The following TOM1L1 variants were observed in gnomAD, a reference collection of about 807,000 sequenced individuals.
The protein encoded by TOM1L1 is TOM1-like protein 1.
TOM1L1 carries 64 observed loss-of-function variants against 63.4 expected under a neutral mutation model. That is an observed-to-expected ratio of 1.01 (90% CI 0.83 to 1.24). The LOEUF is 1.24. Among genes scored for constraint, TOM1L1 ranks in the 50% most tolerant of loss-of-function variants. The pLI is 0.00. For synonymous variants in TOM1L1, 166 were observed against 194.4 expected (o/e 0.85, Z 1.22); for missense variants, 536 against 567.0 (o/e 0.95, Z 0.55).
At chr17:54,958,528 T>G (rs1262730521) in intron 14 of TOM1L1, 1 of 152,178 alleles carries the variant, frequency 6.6e-6, no homozygotes, top group Non-Finnish European at 1.5e-5. Flanking sequence ...GTCAGGAGTT[T>G]GAGACCAGCC....
At chr17:54,940,253 T>A (rs2049014645) in intron 11 of TOM1L1, among the ~76,000 whole-genome samples, 2 of 152,192 alleles carry the variant, frequency 1.3e-5, no homozygotes, top group South Asian at 4.1e-4. Context: ...TATAAACATA[T>A]GCAATGATGT....
chr17:54,936,661 C>T lies in TOM1L1; in HGVS notation c.867C>T (p.Asn289=). Residue 289 remains asparagine (N), a synonymous_variant, in exon 9 of 16, where the codon AAC becomes AAT. Coordinates refer to ENST00000575882, the MANE Select transcript of TOM1L1 (RefSeq NM_005486.3). ...AILGYERFTR[N]QQRILEQNKN... is the part of the protein sequence containing the mutation. ...ATCATTTAAACAGGTTTACTAGAAA[C>T]CAACAAAGGATTTTGGAGCAAAATA... 1 of 1,604,004 alleles carries T rather than the reference C, an allele frequency of 6.2e-7. No homozygotes were observed. Among genetic ancestry groups the T allele is most frequent in the Non-Finnish European group, 8.5e-7 (1 of 1,176,920 alleles).
chr17:54,958,557 C>T (rs542289780), intron 14 of TOM1L1: 1 of 152,184 alleles, frequency 6.6e-6, no homozygotes, highest in Admixed American at 6.6e-5. Context: ...ATGGCAAAAC[C>T]CTGTCTCTAC....
intron 3 of TOM1L1, chr17:54,906,698 G>A: frequency 1.1e-6 from 1 of 902,508 alleles, no homozygotes; most frequent in African/African-American, 1.8e-5. Flanking sequence ...CCTGTGTGTT[G>A]TATTGTCTGT....
intron 14 of TOM1L1, chr17:54,952,116 G>C (rs1317047400): frequency 6.6e-6 from 1 of 152,160 alleles, no homozygotes; most frequent in Non-Finnish European, 1.5e-5. Context: ...TTCTAATCTG[G>C]AAGATACAAA....
At chr17:54,932,084 G>C (rs901661129) in intron 8 of TOM1L1, among the ~76,000 whole-genome samples, 11 of 151,956 alleles carry the variant, frequency 7.2e-5, no homozygotes, top group African/African-American at 2.4e-4. Flanking sequence ...CCTGTAGCAG[G>C]ACGAGCCGCA....
chr17:54,938,773 C>T (rs2048991164), intron 10 of TOM1L1, 151 bp from the exon 11 acceptor site: 2 of 506,178 alleles, frequency 4.0e-6, no homozygotes, highest in Non-Finnish European at 6.9e-6. Context: ...TTTAGGGTGA[C>T]AGAAATATCT....
chr17:54,909,398 C>T (rs182734298), intron 3 of TOM1L1, among the ~76,000 whole-genome samples: 101 of 152,282 alleles, frequency 6.6e-4, no homozygotes, highest in African/African-American at 2.1e-3. Context: ...GCACTATTCA[C>T]GGCCCAGGTG....
intron 1 of TOM1L1, among the ~76,000 whole-genome samples, chr17:54,901,511 G>T (rs2048326834): frequency 6.6e-6 from 1 of 152,094 alleles, no homozygotes; most frequent in African/African-American, 2.4e-5. Flanking sequence ...TCTCTCGCAG[G>T]CCACTAGGGA....
At chr17:54,915,344 C>A (rs1381636559) in intron 6 of TOM1L1, among the ~76,000 whole-genome samples, 1 of 152,050 alleles carries the variant, frequency 6.6e-6, no homozygotes, top group Non-Finnish European at 1.5e-5. Flanking sequence ...ACCATGAGAA[C>A]TGGATAACCC....
intron 15 of TOM1L1, 111 bp downstream of exon 15, chr17:54,960,738 CTT>C: frequency 2.6e-6 from 2 of 773,390 alleles, no homozygotes; most frequent in Non-Finnish European, 4.4e-6. Context: ...GAGTCTGACA[CTT>C]TGAAATATGA....
Position 54,910,877 on chromosome 17 carries a change from T to C in TOM1L1, c.223-1789T>C, listed in dbSNP as rs568492141. On this transcript the variant is annotated intron_variant, in intron 3 of 15. Transcript: ENST00000575882. ...TTAAACGCTATATGCTGCCGCTTTATGTATTGCCATTAAAGAGAGACTAAA... is the reference window on the plus strand; with the variant it reads ...TTAAACGCTATATGCTGCCGCTTTACGTATTGCCATTAAAGAGAGACTAAA... Among the ~76,000 whole-genome samples, 3 of 152,324 alleles carry C rather than the reference T, an allele frequency of 2.0e-5. No homozygotes were observed. In the East Asian group the frequency reaches 5.8e-4, roughly 29 times the overall value.
chr17:54,923,200 A>G (rs1266372070), intron 7 of TOM1L1, among the ~76,000 whole-genome samples: 1 of 152,198 alleles, frequency 6.6e-6, no homozygotes. Context: ...GAACATTCAC[A>G]TACAGGTTTT....
rs1203671042 is a variant in TOM1L1, at chr17:54,947,306, T to A, written c.1176T>A (p.Tyr392Ter). 5.0e-6 allele frequency: 8 copies of A among 1,614,014 alleles called. No homozygotes were observed. The Admixed American group carries it at 1.2e-4, about 24-fold the overall frequency. The part of the protein sequence containing the change: ...TSQNLTSSHA[Y>*]DNFLEHSNSV... Reference sequence around the variant, plus strand: ...AAAACCTCACCTCAAGCCACGCATATGATAATGTAAGTAACAAAACTCTTT... The same window carrying A: ...AAAACCTCACCTCAAGCCACGCATAAGATAATGTAAGTAACAAAACTCTTT... Residue 392 changes from tyrosine (Y) to a stop codon, truncating the protein, a stop_gained, in exon 12 of 16, where the codon TAT becomes TAA. Coordinates refer to ENST00000575882, the MANE Select transcript of TOM1L1 (RefSeq NM_005486.3). LOFTEE classifies it high-confidence loss of function.
chr17:54,940,816 G>A (rs2143914747), intron 11 of TOM1L1, among the ~76,000 whole-genome samples: 1 of 152,264 alleles, frequency 6.6e-6, no homozygotes, highest in East Asian at 1.9e-4. Context: ...GAAAAAGAGT[G>A]AAAGAGTGGT....
At chr17:54,947,573 C>G (rs562330575) in intron 12 of TOM1L1, among the ~76,000 whole-genome samples, 1 of 152,190 alleles carries the variant, frequency 6.6e-6, no homozygotes, top group African/African-American at 2.4e-5. Context: ...CTGGTGACTT[C>G]TGTATTGTGA....
At chr17:54,949,935 T>C (rs1002980556) in intron 13 of TOM1L1, 110 bp from the exon 14 acceptor site, 1 of 860,020 alleles carries the variant, frequency 1.2e-6, no homozygotes, top group Non-Finnish European at 1.8e-6. Flanking sequence ...TCTGTTTTGG[T>C]TGTGTTTATT....
chr17:54,938,493 C>CAA lies in TOM1L1; in HGVS notation c.1034-410_1034-409dup, dbSNP rs34581628. ...TGGGTGACAAAGTGAGACTCCATCT[C>CAA]AAAAAAAAAAAAAAAAAAAAAAGAT... On this transcript the variant is annotated intron_variant, in intron 10 of 15. Transcript: ENST00000575882. The CAA allele has an allele frequency of 7.1e-3, 498 of 70,626 alleles. 6 individuals carry two copies. Among genetic ancestry groups the CAA allele is most frequent in the East Asian group, 0.018 (41 of 2,304 alleles). 4.4% of individuals were successfully genotyped at this position (70,626 alleles called of 1,614,324 possible). A position where few individuals can be genotyped will look rare whatever the true frequency, so the allele number is the denominator to read the frequency against.
At chr17:54,929,626 T>C (rs963131896) in intron 7 of TOM1L1, among the ~76,000 whole-genome samples, 3 of 152,208 alleles carry the variant, frequency 2.0e-5, no homozygotes, top group Admixed American at 1.3e-4. Flanking sequence ...TTTATAGTTA[T>C]AGAGTTCCTC....
Sources: gnomAD v4.1 joint callset for allele counts (sites outside exome capture counted in the v4.1 genomes callset) on GRCh38, gnomAD v4.1.1 for gene constraint, MANE v1.5 for transcripts, NCBI Gene and HGNC (gene_info 2026-07-23, HGNC 2026-07-21) for gene names.